HS3ST4: variants seen among roughly 807,000 people sequenced by gnomAD.
The protein encoded by HS3ST4 is heparan sulfate-glucosamine 3-sulfotransferase 4, also known as heparan sulfate glucosamine 3-O-sulfotransferase 4.
HS3ST4 carries 17 observed loss-of-function variants against 29.2 expected under a neutral mutation model. That is an observed-to-expected ratio of 0.58 (90% CI 0.40 to 0.87). The LOEUF is 0.87. Ranked by LOEUF, HS3ST4 falls within the 40% of genes least tolerant of loss-of-function variation. The pLI is 0.00. For synonymous variants in HS3ST4, 314 were observed against 285.7 expected, an observed-to-expected ratio of 1.10 and a Z score of -1.00; for missense variants, 627 against 634.5, an observed-to-expected ratio of 0.99 and a Z score of 0.13.
chr16:25,931,254 G>A (rs930324288), intron 1 of HS3ST4, among the ~76,000 whole-genome samples: 1 of 152,144 alleles, frequency 6.6e-6, no homozygotes, highest in East Asian at 1.9e-4. Flanking sequence ...CTTGAAGGAA[G>A]AACAGGAGCA....
intron 1 of HS3ST4, among the ~76,000 whole-genome samples, chr16:26,112,638 A>G (rs1899147717): frequency 6.6e-6 from 1 of 152,118 alleles, no homozygotes; most frequent in Non-Finnish European, 1.5e-5. Context: ...TATATGAAAG[A>G]GAATGGAGTA....
Position 25,706,493 on chromosome 16 carries a change from G to A in HS3ST4, c.734+13342G>A, listed in dbSNP as rs369280430. 8.5e-5 allele frequency among the ~76,000 whole-genome samples: 13 copies of A among 152,126 alleles called. No individual in the cohort carries two copies. In the East Asian group the frequency reaches 2.1e-3, roughly 25 times the overall value. The stretch of plus-strand genomic sequence containing the variant: ...ACCCGTCATCTAGGTTTTAAGCCCG[G>A]CATGCATTAGGTATTTGTCCTAATG... On this transcript the variant is annotated intron_variant, in intron 1 of 1. Transcript: ENST00000331351.
chr16:26,054,953 T>G (rs969474287), intron 1 of HS3ST4, among the ~76,000 whole-genome samples: 2 of 152,102 alleles, frequency 1.3e-5, no homozygotes, highest in Admixed American at 1.3e-4. Context: ...GCCTCTGAAG[T>G]CATGGGCATT....
chr16:25,861,681 C>T (rs557740209), intron 1 of HS3ST4, among the ~76,000 whole-genome samples: 1 of 152,224 alleles, frequency 6.6e-6, no homozygotes, highest in South Asian at 2.1e-4. Flanking sequence ...ATAACTCAAT[C>T]AAGACCACAG....
intron 1 of HS3ST4, among the ~76,000 whole-genome samples, chr16:26,056,402 G>A (rs1296887867): frequency 6.6e-6 from 1 of 152,184 alleles, no homozygotes; most frequent in African/African-American, 2.4e-5. Context: ...TTATTTTGGT[G>A]GTAATTACCC....
chr16:26,013,056 G>T (rs140699358), intron 1 of HS3ST4, among the ~76,000 whole-genome samples: 3 of 152,070 alleles, frequency 2.0e-5, no homozygotes, highest in Non-Finnish European at 2.9e-5. Flanking sequence ...CCAGCTACTC[G>T]GGAGGCTGAG....
chr16:25,693,478 A>C (rs1332782189), intron 1 of HS3ST4, among the ~76,000 whole-genome samples: 1 of 152,140 alleles, frequency 6.6e-6, no homozygotes, highest in Non-Finnish European at 1.5e-5. Flanking sequence ...TGTTTCCGAA[A>C]CCAGGCTCTT....
intron 1 of HS3ST4, among the ~76,000 whole-genome samples, chr16:25,826,724 C>T (rs764700434): frequency 5.3e-5 from 8 of 152,120 alleles, no homozygotes; most frequent in Non-Finnish European, 8.8e-5. Context: ...GTTGAATCGT[C>T]AAGTTGGAGG....
chr16:25,988,974 A>C (rs1969089964), intron 1 of HS3ST4, among the ~76,000 whole-genome samples: 1 of 152,240 alleles, frequency 6.6e-6, no homozygotes, highest in Non-Finnish European at 1.5e-5. Flanking sequence ...AGTTTAACTG[A>C]GCAAAGAACA....
intron 1 of HS3ST4, among the ~76,000 whole-genome samples, chr16:25,841,037 C>T (rs1415264969): frequency 6.6e-6 from 1 of 151,454 alleles, no homozygotes; most frequent in Non-Finnish European, 1.5e-5. Context: ...CAGAGTCTTG[C>T]TCTGTCACCT....
chr16:25,963,773 G>A (rs996302397), intron 1 of HS3ST4, among the ~76,000 whole-genome samples: 1 of 152,206 alleles, frequency 6.6e-6, no homozygotes, highest in Admixed American at 6.5e-5. Context: ...GACTAATCTT[G>A]TGGTGAGAGG....
intron 1 of HS3ST4, among the ~76,000 whole-genome samples, chr16:25,982,672 T>G (rs1969020204): frequency 6.6e-6 from 1 of 152,092 alleles, no homozygotes; most frequent in African/African-American, 2.4e-5. Context: ...TACGAAATTT[T>G]TTTTTAAACC....
chr16:26,022,910 C>T (rs548251807), intron 1 of HS3ST4, among the ~76,000 whole-genome samples: 89 of 152,192 alleles, frequency 5.8e-4, no homozygotes, highest in Non-Finnish European at 1.1e-3. Flanking sequence ...GGTGTGGTGG[C>T]GCATGCCTGT....
At chr16:25,998,994 T>G (rs1969180381) in intron 1 of HS3ST4, among the ~76,000 whole-genome samples, 1 of 152,180 alleles carries the variant, frequency 6.6e-6, no homozygotes, top group Non-Finnish European at 1.5e-5. Flanking sequence ...AGGTATGTTT[T>G]TTTAAGTTTT....
At chr16:25,697,934 G>A (rs1160459383) in intron 1 of HS3ST4, among the ~76,000 whole-genome samples, 1 of 152,058 alleles carries the variant, frequency 6.6e-6, no homozygotes, top group Non-Finnish European at 1.5e-5. Context: ...GCCTCCCAAA[G>A]TGCTGGGATT....
chr16:25,961,525 C>A (rs1290892985), intron 1 of HS3ST4, among the ~76,000 whole-genome samples: 1 of 152,098 alleles, frequency 6.6e-6, no homozygotes, highest in Non-Finnish European at 1.5e-5. Context: ...AGACAATGGG[C>A]CTATGAACAT....
chr16:25,788,383 C>G (rs1402952785), intron 1 of HS3ST4, among the ~76,000 whole-genome samples: 1 of 148,494 alleles, frequency 6.7e-6, no homozygotes, highest in South Asian at 2.2e-4. Flanking sequence ...CCATTGCACT[C>G]CAGCCTGGGC....
intron 1 of HS3ST4, among the ~76,000 whole-genome samples, chr16:25,721,443 A>G (rs536441509): frequency 7.8e-4 from 116 of 149,522 alleles, no homozygotes; most frequent in Non-Finnish European, 1.4e-3. Flanking sequence ...ATGCCTGCAT[A>G]ATAATGAAAT....
intron 1 of HS3ST4, among the ~76,000 whole-genome samples, chr16:25,990,841 G>A (rs1969107644): frequency 6.6e-6 from 1 of 152,162 alleles, no homozygotes; most frequent in Admixed American, 6.5e-5. Flanking sequence ...ACACAAGAGG[G>A]CAGTTTCCAT....
Sources: gnomAD v4.1 joint callset for allele counts (sites outside exome capture counted in the v4.1 genomes callset) on GRCh38, gnomAD v4.1.1 for gene constraint, MANE v1.5 for transcripts, NCBI Gene and HGNC (gene_info 2026-07-23, HGNC 2026-07-21) for gene names.